Variants in FRA10AC1 observed in about 807,000 individuals in gnomAD.
FRA10AC1 encodes the protein protein FRA10AC1.
Under a neutral mutation model 56.5 loss-of-function variants are expected in FRA10AC1, and 43 were observed. The ratio of observed to expected loss-of-function variants is 0.76; its 90% CI spans 0.60 to 0.98. The LOEUF (loss-of-function observed/expected upper bound fraction) is 0.98, where lower values mean the gene tolerates loss of function less well. Among genes scored for constraint, FRA10AC1 ranks in the 50% least tolerant of loss-of-function variants. The pLI is 0.00. For missense variants in FRA10AC1, 346 were observed against 351.8 expected, an observed-to-expected ratio of 0.98 and a Z score of 0.13; for synonymous variants, 112 against 110.5, an observed-to-expected ratio of 1.01 and a Z score of -0.09.
chr10:93,692,127 A>G (rs767951828), intron 6 of FRA10AC1, 34 bp from the exon 7 acceptor site: 8 of 1,404,432 alleles, frequency 5.7e-6, no homozygotes, highest in Middle Eastern at 2.3e-4. Context: ...TTATACATTT[A>G]GAAACTCAAC....
chr10:93,692,854 T>C, intron 5 of FRA10AC1, 125 bp from the exon 6 acceptor site: 2 of 528,152 alleles, frequency 3.8e-6, no homozygotes, highest in Non-Finnish European at 6.5e-6. Context: ...TTTTGGTGAG[T>C]ATAAATTTGT....
At chr10:93,693,212 AAAAAAAAAAAGG>A (rs1205892816) in intron 5 of FRA10AC1, among the ~76,000 whole-genome samples, 7 of 143,858 alleles carry the variant, frequency 4.9e-5, no homozygotes, top group Non-Finnish European at 9.2e-5. Flanking sequence ...GTCTGGGGGT[AAAAAAAAAAAGG>A]AAAAAAAAAA....
Position 93,702,532 on chromosome 10 carries a change from C to CCGCCG in FRA10AC1, c.-163_-159dup, listed in dbSNP as rs1345528081. 8.1e-5 allele frequency: 19 copies of CCGCCG among 235,698 alleles called. No homozygotes were observed. The highest frequency in any genetic ancestry group is 1.7e-3 in the Middle Eastern group (1 of 588). The allele number at this position is 235,698 out of a possible 1,614,324, so 14.6% of individuals were successfully genotyped here. A position where few individuals can be genotyped will look rare whatever the true frequency, so the allele number is the denominator to read the frequency against. Reference sequence around the variant, plus strand: ...CTCGCCACAACCACCACCGCCGCCGCCGCCGCCGCCGCCGCCCGCAACCCG... The same window carrying CCGCCG: ...CTCGCCACAACCACCACCGCCGCCGCCGCCGCGCCGCCGCCGCCGCCCGCAACCCG... On this transcript the variant is annotated 5_prime_UTR_variant, in exon 1 of 14. Coordinates refer to ENST00000359204, the MANE Select transcript of FRA10AC1 (RefSeq NM_145246.5).
chr10:93,668,176 C>T lies in FRA10AC1; in HGVS notation c.*1650G>A, dbSNP rs1053497836. The T allele has an allele frequency of 2.0e-5, 3 of 152,080 alleles. No individual in the cohort carries two copies. The highest frequency in any genetic ancestry group is 7.2e-5 in the African/African-American group (3 of 41,418). The allele number at this position is 152,080 out of a possible 1,614,324, so 9.4% of individuals were successfully genotyped here. ...TTTTGCAGTTTATTGCCAATCATTC[C>T]GTGTTTAAATGTTATTTAAAATAGT... On this transcript the variant is annotated 3_prime_UTR_variant, in exon 14 of 14. Transcript: ENST00000359204.
At position 93,684,052 on chromosome 10, in the gene FRA10AC1, T is replaced by G. The variant is rs77005006; in HGVS notation, c.668+4A>C. ...ATTAAGAATGGCATTTTAAAAGACA[T>G]TACCTGTGATGGAAATTTAATTTAA... On this transcript the variant is annotated splice_donor_region_variant and intron_variant, in intron 10 of 13. Coordinates refer to ENST00000359204, the MANE Select transcript of FRA10AC1 (RefSeq NM_145246.5). 1.1e-3 allele frequency: 1,702 copies of G among 1,586,034 alleles called. 14 individuals are homozygous for G. In the African/African-American group the frequency reaches 0.021, roughly 19 times the overall value.
chr10:93,686,393 T>A (rs750427076), intron 8 of FRA10AC1, among the ~76,000 whole-genome samples: 1 of 151,954 alleles, frequency 6.6e-6, no homozygotes, highest in South Asian at 2.1e-4. Context: ...TATTCAGTTA[T>A]ATGAATTTAG....
intron 4 of FRA10AC1, among the ~76,000 whole-genome samples, 186 bp from the exon 5 acceptor site, chr10:93,695,123 G>T (rs535108655): frequency 1.3e-5 from 2 of 152,194 alleles, no homozygotes; most frequent in African/African-American, 4.8e-5. Flanking sequence ...TGAAAGTGAA[G>T]ATTGTAAAGT....
chr10:93,668,152 T>C lies in FRA10AC1; in HGVS notation c.*1674A>G, dbSNP rs943263718. Reference sequence around the variant, plus strand: ...TTTAAAATGATACCAAATTACTCATTTTGCAGTTTATTGCCAATCATTCCG... The same window carrying C: ...TTTAAAATGATACCAAATTACTCATCTTGCAGTTTATTGCCAATCATTCCG... On this transcript the variant is annotated 3_prime_UTR_variant, in exon 14 of 14. Coordinates refer to ENST00000359204, the MANE Select transcript of FRA10AC1 (RefSeq NM_145246.5). 1 of 152,180 alleles carries C rather than the reference T, an allele frequency of 6.6e-6. No homozygotes were observed. Among genetic ancestry groups the C allele is most frequent in the Admixed American group, 6.5e-5 (1 of 15,274 alleles). The allele number at this position is 152,180 out of a possible 1,614,324, so 9.4% of individuals were successfully genotyped here.
In FRA10AC1 at chr10:93,668,227, TGTTCA is replaced by T. The variant is rs1390296518; in HGVS notation, c.*1594_*1598del. The T allele has an allele frequency of 6.6e-6, 1 of 152,258 alleles. No individual in the cohort carries two copies. The highest frequency in any genetic ancestry group is 1.5e-5 in the Non-Finnish European group (1 of 68,048). The allele number at this position is 152,258 out of a possible 1,614,324, so 9.4% of individuals were successfully genotyped here. A position where few individuals can be genotyped will look rare whatever the true frequency, so the allele number is the denominator to read the frequency against. On this transcript the variant is annotated 3_prime_UTR_variant, in exon 14 of 14. Transcript: ENST00000359204. Reference sequence around the variant, plus strand: ...ATATCTTCAATAAAATACTTGCTTATGTTCAGTTCATTTTCTATATGTCCTTTCTC... The same window carrying T: ...ATATCTTCAATAAAATACTTGCTTATGTTCATTTTCTATATGTCCTTTCTC...
chr10:93,685,760 G>A (rs1343492888), intron 8 of FRA10AC1, among the ~76,000 whole-genome samples: 2 of 150,328 alleles, frequency 1.3e-5, no homozygotes, highest in Non-Finnish European at 3.0e-5. Flanking sequence ...ACTTTCCAAA[G>A]TACACACACT....
At position 93,669,413 on chromosome 10, in the gene FRA10AC1, A is replaced by G. The variant is rs1347613317; in HGVS notation, c.*413T>C. On this transcript the variant is annotated 3_prime_UTR_variant, in exon 14 of 14. Transcript: ENST00000359204. ...CAGGAGGACTCCGTTTCCACAAAAG[A>G]AAAAAATGAAAAACAAACAAATCCA... 1 of 154,384 alleles carries G rather than the reference A, an allele frequency of 6.5e-6. No individual in the cohort carries two copies. Among genetic ancestry groups the G allele is most frequent in the African/African-American group, 2.4e-5 (1 of 41,472 alleles). 9.6% of individuals were successfully genotyped at this position (154,384 alleles called of 1,614,324 possible). A position where few individuals can be genotyped will look rare whatever the true frequency, so the allele number is the denominator to read the frequency against.
At chr10:93,702,338 C>T (rs537163259) in intron 1 of FRA10AC1, 37 bp downstream of exon 1, 38 of 154,220 alleles carry the variant, frequency 2.5e-4, no homozygotes, top group African/African-American at 8.9e-4. Context: ...GGTCCTTCTC[C>T]CTGATGCCAA....
At chr10:93,699,227 G>A (rs777785980) in intron 2 of FRA10AC1, among the ~76,000 whole-genome samples, 3 of 152,176 alleles carry the variant, frequency 2.0e-5, no homozygotes, top group Non-Finnish European at 2.9e-5. Flanking sequence ...CATCAAAAAT[G>A]TAATTTATTA....
At chr10:93,676,723 A>G (rs1263284354) in intron 11 of FRA10AC1, 32 bp from the exon 12 acceptor site, 1 of 1,547,380 alleles carries the variant, frequency 6.5e-7, no homozygotes, top group South Asian at 1.2e-5. Context: ...TTTATTAACT[A>G]TCATCTTGTA....
Position 93,684,244 on chromosome 10 carries a change from T to C in FRA10AC1, c.626-146A>G, listed in dbSNP as rs972665302. ...TCCAAAGAAAACAATCTGACCTTCA[T>C]CACCTCAAAAATGCAAATATATACA... On this transcript the variant is annotated intron_variant, in intron 9 of 13. Coordinates refer to ENST00000359204, the MANE Select transcript of FRA10AC1 (RefSeq NM_145246.5). 4.5e-5 allele frequency: 27 copies of C among 606,590 alleles called. No individual in the cohort carries two copies. The South Asian group carries it at 5.8e-4, about 13-fold the overall frequency. 37.6% of individuals were successfully genotyped at this position (606,590 alleles called of 1,614,324 possible). A position where few individuals can be genotyped will look rare whatever the true frequency, so the allele number is the denominator to read the frequency against.
In FRA10AC1 at chr10:93,676,827, T is replaced by C. The variant is rs2058850517; in HGVS notation, c.788-136A>G. 6 of 1,298,856 alleles carry C rather than the reference T, an allele frequency of 4.6e-6. No homozygotes were observed. In the South Asian group the frequency reaches 1.2e-4, roughly 26 times the overall value. 80.5% of individuals were successfully genotyped at this position (1,298,856 alleles called of 1,614,324 possible). On this transcript the variant is annotated intron_variant, in intron 11 of 13. Coordinates refer to ENST00000359204, the MANE Select transcript of FRA10AC1 (RefSeq NM_145246.5). Reference sequence around the variant, plus strand: ...TAAGCACTTCACTGTTTTCTAATCTTTCATGTTCCTTAGTCTTATCTCCCT... The same window carrying C: ...TAAGCACTTCACTGTTTTCTAATCTCTCATGTTCCTTAGTCTTATCTCCCT...
Position 93,685,374 on chromosome 10 carries a change from G to T in FRA10AC1, c.512-15C>A. The stretch of plus-strand genomic sequence containing the variant: ...GAAAAATTGACCTGCAGAAAGGAAA[G>T]GAATATTAGCTATGGTAGTTGGTGA... On this transcript the variant is annotated splice_polypyrimidine_tract_variant and intron_variant, in intron 8 of 13. Transcript: ENST00000359204. The T allele has an allele frequency of 9.0e-7, 1 of 1,113,716 alleles. No individual in the cohort carries two copies. The allele number at this position is 1,113,716 out of a possible 1,614,324, so 69.0% of individuals were successfully genotyped here.
chr10:93,673,914 G>A (rs1462826631), intron 12 of FRA10AC1: 9 of 253,820 alleles, frequency 3.5e-5, no homozygotes, highest in Non-Finnish European at 7.2e-5. Context: ...TAGACATACA[G>A]TTGATTTCAC....
At position 93,669,110 on chromosome 10, in the gene FRA10AC1, A is replaced by C. The variant is rs1006979905; in HGVS notation, c.*716T>G. ...AATTTGATTATAACAAACTCTCTTA[A>C]GTGGTAGAGGTTAAGAAGGAAGCAA... On this transcript the variant is annotated 3_prime_UTR_variant, in exon 14 of 14. Transcript: ENST00000359204. 1 of 152,118 alleles carries C rather than the reference A, an allele frequency of 6.6e-6. No homozygotes were observed. The highest frequency in any genetic ancestry group is 6.6e-5 in the Admixed American group (1 of 15,256). 9.4% of individuals were successfully genotyped at this position (152,118 alleles called of 1,614,324 possible).
Sources: allele counts gnomAD v4.1 joint callset (sites outside exome capture counted in the v4.1 genomes callset), GRCh38; gene constraint gnomAD v4.1.1; transcripts MANE v1.5; gene names NCBI Gene and HGNC (gene_info 2026-07-23, HGNC 2026-07-21).